The following PRKN variants were observed in gnomAD, a reference collection of about 807,000 sequenced individuals.
PRKN encodes the protein parkin RBR E3 ubiquitin protein ligase.
Under a neutral mutation model 59.5 loss-of-function variants are expected in PRKN, and 56 were observed. That is an observed-to-expected ratio of 0.94 (90% CI 0.76 to 1.18). The LOEUF is 1.18. Ranked by LOEUF, PRKN falls within the 50% of genes most tolerant of loss-of-function variation. The pLI is 0.00. For missense variants in PRKN, 657 were observed against 596.4 expected, an observed-to-expected ratio of 1.10 and a Z score of -1.06; for synonymous variants, 250 against 222.1, an observed-to-expected ratio of 1.13 and a Z score of -1.12.
intron 7 of PRKN, among the ~76,000 whole-genome samples, chr6:161,601,585 A>ATTTTTTTTTTTT (rs200244232): frequency 7.1e-6 from 1 of 140,814 alleles, no homozygotes; most frequent in African/African-American, 2.6e-5. Flanking sequence ...AATATAGTGG[A>ATTTTTTTTTTTT]TTTTTTTTTT....
chr6:161,889,404 C>T (rs1001700222), intron 6 of PRKN, among the ~76,000 whole-genome samples: 1 of 152,206 alleles, frequency 6.6e-6, no homozygotes, highest in Admixed American at 6.5e-5. Context: ...GCCAGCCACA[C>T]AACAGTCACC....
intron 9 of PRKN, among the ~76,000 whole-genome samples, chr6:161,439,633 A>G (rs1021100735): frequency 2.9e-4 from 44 of 152,254 alleles, no homozygotes; most frequent in Non-Finnish European, 5.1e-4. Context: ...GAGCGATTCC[A>G]TCTACACTGA....
In PRKN at chr6:162,262,517, C is replaced by T. The variant is rs767654225; in HGVS notation, c.412+8G>A. 5.0e-6 allele frequency: 8 copies of T among 1,613,916 alleles called. No homozygotes were observed. The East Asian group carries it at 1.8e-4, about 36-fold the overall frequency. On this transcript the variant is annotated splice_region_variant and intron_variant, in intron 3 of 11. Coordinates refer to ENST00000366898, the MANE Select transcript of PRKN (RefSeq NM_004562.3). The stretch of plus-strand genomic sequence containing the variant: ...AATGCTTTAATAATCTTAGAGCATT[C>T]CAATTACCTGGACTTCCAGCTGGTG...
intron 3 of PRKN, among the ~76,000 whole-genome samples, chr6:162,231,962 C>A (rs545583950): frequency 6.6e-6 from 1 of 152,250 alleles, no homozygotes; most frequent in South Asian, 2.1e-4. Context: ...TCCACAGTAT[C>A]ATAGTGTCAT....
At position 162,029,196 on chromosome 6, in the gene PRKN, C is replaced by T. The variant is rs991570188; in HGVS notation, c.618+24895G>A. Among the ~76,000 whole-genome samples the T allele has an allele frequency of 3.3e-5, 5 of 152,158 alleles. No individual in the cohort carries two copies. In the East Asian group the frequency reaches 9.7e-4, roughly 29 times the overall value. On this transcript the variant is annotated intron_variant, in intron 5 of 11. Transcript: ENST00000366898. ...AAACAAACCCACCCACCTCCACCCC[C>T]ACACATGATACAGAGAAATTCAGTC...
Position 161,487,674 on chromosome 6 carries a change from G to A in PRKN, c.1083+61180C>T, listed in dbSNP as rs1411488680. ...CTGATATGATAATATGTGTATTCAT[G>A]TAGGAGGTAGGGGTTGTGCCTTCTT... On this transcript the variant is annotated intron_variant, in intron 9 of 11. Transcript: ENST00000366898. The surrounding 1 kb of genome is among the most constrained non-coding windows in gnomAD (Gnocchi z 5.3). Among the ~76,000 whole-genome samples, 1 of 152,130 alleles carries A rather than the reference G, an allele frequency of 6.6e-6. No homozygotes were observed. The highest frequency in any genetic ancestry group is 1.5e-5 in the Non-Finnish European group (1 of 68,006).
chr6:162,141,786 G>A (rs141550169), intron 4 of PRKN, among the ~76,000 whole-genome samples: 16 of 152,296 alleles, frequency 1.1e-4, no homozygotes, highest in African/African-American at 3.4e-4. Flanking sequence ...TAACACACAC[G>A]AAGAGCAGGT....
At chr6:161,990,743 T>TA (rs1781614524) in intron 5 of PRKN, among the ~76,000 whole-genome samples, 3 of 152,126 alleles carry the variant, frequency 2.0e-5, no homozygotes, top group African/African-American at 7.2e-5. Context: ...AAAGTAAGCC[T>TA]ATGGGATATA....
chr6:162,218,386 A>C (rs181487350), intron 3 of PRKN, among the ~76,000 whole-genome samples: 1 of 152,222 alleles, frequency 6.6e-6, no homozygotes, highest in Admixed American at 6.5e-5. Flanking sequence ...GAAGCCCAGC[A>C]CTGTGTAGTA....
chr6:162,672,668 G>C lies in PRKN; in HGVS notation c.7+54994C>G, dbSNP rs139922260. 5.2e-3 allele frequency among the ~76,000 whole-genome samples: 777 copies of C among 149,268 alleles called. 6 individuals are homozygous for C. Among genetic ancestry groups the C allele is most frequent in the African/African-American group, 0.018 (710 of 40,454 alleles). On this transcript the variant is annotated intron_variant, in intron 1 of 11. Coordinates refer to ENST00000366898, the MANE Select transcript of PRKN (RefSeq NM_004562.3). ...CTCTTTATTTTATGCATTCATTATAGAAAGTTTTGGGGGAAAAGTGTGTGT... is the reference window on the plus strand; with the variant it reads ...CTCTTTATTTTATGCATTCATTATACAAAGTTTTGGGGGAAAAGTGTGTGT...
intron 7 of PRKN, among the ~76,000 whole-genome samples, chr6:161,662,009 C>A (rs987608294): frequency 6.6e-6 from 1 of 151,898 alleles, no homozygotes; most frequent in Non-Finnish European, 1.5e-5. Context: ...GGCAACAGAG[C>A]GAGACTCTGT....
intron 7 of PRKN, among the ~76,000 whole-genome samples, chr6:161,729,702 A>T (rs1409410895): frequency 6.6e-6 from 1 of 152,226 alleles, no homozygotes; most frequent in Non-Finnish European, 1.5e-5. Context: ...TATATAGTTC[A>T]AGAATATGTT....
At chr6:162,288,123 C>T (rs902547725) in intron 2 of PRKN, among the ~76,000 whole-genome samples, 3 of 152,190 alleles carry the variant, frequency 2.0e-5, no homozygotes, top group Admixed American at 6.5e-5. Context: ...ATGCCTAACT[C>T]TTACAGTTTC....
intron 7 of PRKN, among the ~76,000 whole-genome samples, chr6:161,677,764 C>T (rs1785142630): frequency 6.6e-6 from 1 of 152,128 alleles, no homozygotes; most frequent in Non-Finnish European, 1.5e-5. Context: ...ATGTTATTAC[C>T]AAATCTCAAG....
intron 5 of PRKN, among the ~76,000 whole-genome samples, chr6:162,018,542 C>T (rs1000345467): frequency 1.3e-5 from 2 of 152,088 alleles, no homozygotes; most frequent in African/African-American, 4.8e-5. Context: ...TATGGTAATA[C>T]GAATTAAGCT....
chr6:161,856,203 T>C (rs1339557239), intron 6 of PRKN, among the ~76,000 whole-genome samples: 1 of 151,858 alleles, frequency 6.6e-6, no homozygotes, highest in Non-Finnish European at 1.5e-5. Context: ...CTACTAAAAA[T>C]ACAAAAATTA....
chr6:161,922,633 C>T (rs1175927777), intron 6 of PRKN, among the ~76,000 whole-genome samples: 1 of 152,064 alleles, frequency 6.6e-6, no homozygotes, highest in African/African-American at 2.4e-5. Context: ...AATGGAGTAA[C>T]TAACATAGGT....
At chr6:162,425,670 T>C (rs1007789740) in intron 2 of PRKN, among the ~76,000 whole-genome samples, 1 of 152,082 alleles carries the variant, frequency 6.6e-6, no homozygotes, top group African/African-American at 2.4e-5. Flanking sequence ...AAGAAAGGTA[T>C]GATTAAATTA....
intron 6 of PRKN, among the ~76,000 whole-genome samples, chr6:161,937,859 A>G (rs1779414258): frequency 1.3e-5 from 2 of 152,318 alleles, no homozygotes; most frequent in African/African-American, 2.4e-5. Flanking sequence ...ACAAGAATCT[A>G]GTAGACTCCA....
Sources: gnomAD v4.1 joint callset for allele counts (sites outside exome capture counted in the v4.1 genomes callset) on GRCh38, gnomAD v4.1.1 for gene constraint, Gnocchi (gnomAD v3.1) non-coding constraint, MANE v1.5 for transcripts, NCBI Gene and HGNC (gene_info 2026-07-23, HGNC 2026-07-21) for gene names.